RNF38: variants seen among roughly 807,000 people sequenced by gnomAD.
RNF38 encodes E3 ubiquitin-protein ligase RNF38.
In RNF38, 15 loss-of-function variants were observed where a neutral mutation model predicts 67.2. The observed-to-expected ratio is 0.22, with a 90% CI of 0.15 to 0.34. RNF38 has a LOEUF of 0.34. RNF38 is among the 10% of genes least tolerant of loss of function. The probability of loss-of-function intolerance (pLI) is 1.00; values close to 1 mark genes in which losing one functional copy is unlikely to be tolerated. For synonymous variants in RNF38, 220 were observed against 218.8 expected, an observed-to-expected ratio of 1.01 and a Z score of -0.05; for missense variants, 524 against 639.9, an observed-to-expected ratio of 0.82 and a Z score of 1.95.
chr9:36,418,389 A>G (rs965750249), intron 2 of RNF38, among the ~76,000 whole-genome samples: 11 of 152,054 alleles, frequency 7.2e-5, no homozygotes, highest in African/African-American at 2.2e-4. Context: ...ATGATGATTC[A>G]TGCCTGTAAT....
chr9:36,362,673 C>T (rs1280845983), intron 4 of RNF38, among the ~76,000 whole-genome samples: 1 of 151,622 alleles, frequency 6.6e-6, no homozygotes, highest in African/African-American at 2.4e-5. Flanking sequence ...TCTTTTGAGA[C>T]AGAGTCTTGC....
rs142265403 is a variant in RNF38, at chr9:36,389,107, T to C, written c.162+1360A>G. 5.7e-3 allele frequency among the ~76,000 whole-genome samples: 872 copies of C among 152,006 alleles called. 14 individuals are homozygous for C. In the South Asian group the frequency reaches 0.061, roughly 11 times the overall value. On this transcript the variant is annotated intron_variant, in intron 2 of 11. Coordinates refer to ENST00000259605, the MANE Select transcript of RNF38 (RefSeq NM_022781.5). Reference sequence around the variant, plus strand: ...CCCTCCACCCCCGCCCCAAAGTTCATTGAGGGCTTTGTTCTAAGGTTCAAG... The same window carrying C: ...CCCTCCACCCCCGCCCCAAAGTTCACTGAGGGCTTTGTTCTAAGGTTCAAG...
At chr9:36,388,150 A>C (rs937771153) in intron 2 of RNF38, among the ~76,000 whole-genome samples, 6 of 152,124 alleles carry the variant, frequency 3.9e-5, no homozygotes, top group Non-Finnish European at 7.4e-5. Context: ...AGGATACTGA[A>C]GAGAGATGTA....
intron 1 of RNF38, among the ~76,000 whole-genome samples, chr9:36,478,912 A>T (rs1428094557): frequency 6.6e-6 from 1 of 152,100 alleles, no homozygotes; most frequent in Non-Finnish European, 1.5e-5. Context: ...CATTCTGGTA[A>T]CACAAACATA....
chr9:36,426,842 T>C (rs1011669670), intron 1 of RNF38, among the ~76,000 whole-genome samples: 1 of 152,222 alleles, frequency 6.6e-6, no homozygotes, highest in Non-Finnish European at 1.5e-5. Flanking sequence ...ATCATATGCC[T>C]CCCTCATCTG....
At chr9:36,471,781 A>C (rs931913382) in intron 1 of RNF38, among the ~76,000 whole-genome samples, 2 of 152,216 alleles carry the variant, frequency 1.3e-5, no homozygotes, top group Non-Finnish European at 2.9e-5. Context: ...TCTTTTTAGA[A>C]ATGGAGTCTT....
At chr9:36,401,236 G>C (rs1360014266), upstream of RNF38, 4 of 977,088 alleles carry the variant, frequency 4.1e-6, no homozygotes, top group Admixed American at 6.2e-5. Flanking sequence ...CGCGCGGCCC[G>C]GCGCACGACT....
At chr9:36,428,342 G>A (rs1157566176) in intron 1 of RNF38, among the ~76,000 whole-genome samples, 2 of 151,712 alleles carry the variant, frequency 1.3e-5, no homozygotes, top group African/African-American at 2.4e-5. Flanking sequence ...GAACCCGGGA[G>A]GTGGAGGTTG....
chr9:36,401,130 G>A (rs1587620795), upstream of RNF38: 1 of 984,880 alleles, frequency 1.0e-6, no homozygotes, highest in Non-Finnish European at 1.2e-6. Context: ...CCACCGGAGC[G>A]CTCCTCCCTT....
intron 3 of RNF38, among the ~76,000 whole-genome samples, chr9:36,371,778 G>A (rs369133244): frequency 1.6e-4 from 24 of 151,854 alleles, no homozygotes; most frequent in East Asian, 3.9e-4. Flanking sequence ...AATTTTTCTC[G>A]TATTGCCTTC....
chr9:36,339,886 A>G, intron 11 of RNF38, 72 bp from the exon 12 acceptor site: 1 of 1,229,702 alleles, frequency 8.1e-7, no homozygotes, highest in South Asian at 1.3e-5. Flanking sequence ...CAATGGAACT[A>G]CTTTTACTTC....
chr9:36,473,541 T>C (rs1040795020), intron 1 of RNF38, among the ~76,000 whole-genome samples: 5 of 151,528 alleles, frequency 3.3e-5, no homozygotes, highest in African/African-American at 7.3e-5. Flanking sequence ...TGAGCCAAGA[T>C]TGCACCACTG....
At chr9:36,433,199 T>A (rs550882480) in intron 1 of RNF38, among the ~76,000 whole-genome samples, 3 of 150,708 alleles carry the variant, frequency 2.0e-5, no homozygotes, top group African/African-American at 7.3e-5. Context: ...AAGAGTAAGA[T>A]CTAGTATCTG....
rs112737504 is a variant in RNF38, at chr9:36,478,766, G to A, written n.241+8542C>T. 2.0e-3 allele frequency among the ~76,000 whole-genome samples: 302 copies of A among 149,634 alleles called. 1 individual carries two copies. Among genetic ancestry groups the A allele is most frequent in the African/African-American group, 7.2e-3 (293 of 40,624 alleles). ...CAGAAGGCGGAGGTTGCGGTGAGCC[G>A]AGATGGCGCCACTGCACTCCAGCCT... On this transcript the variant is annotated intron_variant and non_coding_transcript_variant, in intron 1 of 3. Transcript: ENST00000488058.
upstream of RNF38, among the ~76,000 whole-genome samples, chr9:36,405,735 A>AT (rs1838162005): frequency 6.9e-6 from 1 of 144,078 alleles, no homozygotes; most frequent in African/African-American, 2.4e-5. Context: ...TAATCTTAGG[A>AT]TATATATATA....
intron 2 of RNF38, among the ~76,000 whole-genome samples, chr9:36,378,573 A>T (rs1835959569): frequency 6.6e-6 from 1 of 152,214 alleles, no homozygotes; most frequent in African/African-American, 2.4e-5. Flanking sequence ...GAATAAGCCT[A>T]ATGTAAGCTA....
chr9:36,479,645 C>A (rs1427717427), intron 1 of RNF38, among the ~76,000 whole-genome samples: 1 of 152,104 alleles, frequency 6.6e-6, no homozygotes, highest in Non-Finnish European at 1.5e-5. Context: ...AAGCTATCAT[C>A]CTAATTAACC....
At chr9:36,343,336 TGA>T (rs1338158019) in intron 10 of RNF38, among the ~76,000 whole-genome samples, 1 of 152,218 alleles carries the variant, frequency 6.6e-6, no homozygotes, top group Non-Finnish European at 1.5e-5. Flanking sequence ...ATCCCTGTTC[TGA>T]GAGAAGACAT....
intron 4 of RNF38, among the ~76,000 whole-genome samples, chr9:36,360,835 G>A (rs1448862108): frequency 2.6e-5 from 4 of 152,052 alleles, no homozygotes; most frequent in Non-Finnish European, 5.9e-5. Context: ...TTTTGAGACA[G>A]AGTCTTGATA....
Sources: allele counts gnomAD v4.1 joint callset (sites outside exome capture counted in the v4.1 genomes callset), GRCh38; gene constraint gnomAD v4.1.1; transcripts MANE v1.5; gene names NCBI Gene and HGNC (gene_info 2026-07-23, HGNC 2026-07-21).